Variants in RPTOR observed in about 807,000 individuals in gnomAD.
RPTOR encodes regulatory associated protein of MTOR complex 1.
RPTOR carries 21 observed loss-of-function variants against 169.9 expected under a neutral mutation model. The observed-to-expected ratio is 0.12, with a 90% CI of 0.09 to 0.18. RPTOR has a LOEUF of 0.18. Ranked by LOEUF, RPTOR falls within the 10% of genes least tolerant of loss-of-function variation. The pLI, the probability that RPTOR is intolerant of heterozygous loss-of-function variation, is 1.00. For synonymous variants in RPTOR, 732 were observed against 753.2 expected (o/e 0.97, Z 0.46); for missense variants, 1,133 against 1,855.9 (o/e 0.61, Z 7.16).
intron 1 of RPTOR, among the ~76,000 whole-genome samples, chr17:80,595,683 C>A (rs2065139601): frequency 6.6e-6 from 1 of 152,216 alleles, no homozygotes; most frequent in African/African-American, 2.4e-5. Context: ...TCTCAAACTC[C>A]TGGGCTCAAG....
chr17:80,643,047 A>G (rs1309563344), intron 2 of RPTOR, among the ~76,000 whole-genome samples: 1 of 152,236 alleles, frequency 6.6e-6, no homozygotes, highest in Non-Finnish European at 1.5e-5. Context: ...AAATATTTAA[A>G]AAATCTTAGC....
At chr17:80,881,374 T>G (rs1397671728) in intron 14 of RPTOR, among the ~76,000 whole-genome samples, 1 of 152,236 alleles carries the variant, frequency 6.6e-6, no homozygotes, top group African/African-American at 2.4e-5. Flanking sequence ...CTTCCCATTC[T>G]TAAGAATAAG....
chr17:80,818,146 T>C (rs1446816975), intron 7 of RPTOR, among the ~76,000 whole-genome samples: 3 of 152,210 alleles, frequency 2.0e-5, no homozygotes, highest in Non-Finnish European at 2.9e-5. Context: ...AGTCGCCATT[T>C]TGCATCAGGG....
chr17:80,899,639 G>A (rs1003921654), intron 20 of RPTOR, among the ~76,000 whole-genome samples: 1 of 152,246 alleles, frequency 6.6e-6, no homozygotes, highest in Non-Finnish European at 1.5e-5. Context: ...CTTTGCAGGT[G>A]GGACTGCCCC....
At chr17:80,923,722 C>G (rs758553455) in intron 23 of RPTOR, 49 bp downstream of exon 23, 2 of 1,497,802 alleles carry the variant, frequency 1.3e-6, no homozygotes, top group South Asian at 2.6e-5. Context: ...AGCGTTGCTT[C>G]TCAGATGGGG....
chr17:80,721,477 G>A lies in RPTOR; in HGVS notation c.508-9083G>A, dbSNP rs555500551. ...CATGCTGGCTCTTCCTGCTGCGTGT[G>A]CATCTGGCCCTGGAAAGAGGCACAC... On this transcript the variant is annotated intron_variant, in intron 4 of 33. Coordinates refer to ENST00000306801, the MANE Select transcript of RPTOR (RefSeq NM_020761.3). This position sits in a 1 kb window ranked among gnomAD's most constrained non-coding sequence, Gnocchi z 4.7. Among the ~76,000 whole-genome samples, 10 of 151,596 alleles carry A rather than the reference G, an allele frequency of 6.6e-5. No homozygotes were observed. The highest frequency in any genetic ancestry group is 2.4e-4 in the African/African-American group (10 of 40,844).
intron 9 of RPTOR, among the ~76,000 whole-genome samples, chr17:80,837,643 CTTATT>C (rs915162622): frequency 2.6e-5 from 4 of 152,198 alleles, no homozygotes; most frequent in African/African-American, 4.8e-5. Context: ...GGCTTTTTTT[CTTATT>C]TTATTTTAAA....
intron 3 of RPTOR, among the ~76,000 whole-genome samples, chr17:80,654,619 G>A (rs1400386910): frequency 6.6e-6 from 1 of 152,176 alleles, no homozygotes; most frequent in Non-Finnish European, 1.5e-5. Flanking sequence ...TCTTCTAAAG[G>A]GTTGCATGTG....
At chr17:80,863,563 A>G (rs2067944919) in intron 13 of RPTOR, among the ~76,000 whole-genome samples, 1 of 152,260 alleles carries the variant, frequency 6.6e-6, no homozygotes, top group Admixed American at 6.5e-5. Flanking sequence ...GAAAACTGCA[A>G]TATGTGATGG....
At chr17:80,822,077 C>T (rs2067385245) in intron 7 of RPTOR, 124 bp from the exon 8 acceptor site, 2 of 842,700 alleles carry the variant, frequency 2.4e-6, no homozygotes, top group Non-Finnish European at 4.0e-6. Context: ...CAAGCTTCTG[C>T]TCAGAGCCTT....
intron 1 of RPTOR, among the ~76,000 whole-genome samples, chr17:80,567,225 C>T (rs1189143272): frequency 6.6e-6 from 1 of 152,038 alleles, no homozygotes; most frequent in Non-Finnish European, 1.5e-5. Context: ...CCTGCCTCAG[C>T]CTCTCAAAGT....
At chr17:80,584,577 T>C (rs1342098926) in intron 1 of RPTOR, among the ~76,000 whole-genome samples, 1 of 152,186 alleles carries the variant, frequency 6.6e-6, no homozygotes, top group Non-Finnish European at 1.5e-5. Context: ...CCGTTTACCA[T>C]GTCTCAATAA....
intron 7 of RPTOR, among the ~76,000 whole-genome samples, chr17:80,801,251 G>A (rs988139583): frequency 1.4e-4 from 21 of 152,166 alleles, no homozygotes; most frequent in South Asian, 4.1e-4. Flanking sequence ...GCCAGGCATC[G>A]TGCTGAGGCC....
At position 80,936,919 on chromosome 17, in the gene RPTOR, A is replaced by C. The variant is rs1216488871; in HGVS notation, c.2920-3577A>C. On this transcript the variant is annotated intron_variant, in intron 24 of 33. Transcript: ENST00000306801. The surrounding 1 kb of genome is among the most constrained non-coding windows in gnomAD (Gnocchi z 4.1). The stretch of plus-strand genomic sequence containing the variant: ...ACACAAAGGCTGTGTCCTTGGACGT[A>C]ATGTACACGAGACACTGGCAGAATC... Among the ~76,000 whole-genome samples, 1 of 152,202 alleles carries C rather than the reference A, an allele frequency of 6.6e-6. No homozygotes were observed. The highest frequency in any genetic ancestry group is 1.5e-5 in the Non-Finnish European group (1 of 68,042).
chr17:80,846,745 G>A (rs546667932), intron 11 of RPTOR, among the ~76,000 whole-genome samples, 171 bp downstream of exon 11: 1 of 152,350 alleles, frequency 6.6e-6, no homozygotes, highest in South Asian at 2.1e-4. Context: ...CGGGCAAACG[G>A]ATCACACAGA....
intron 4 of RPTOR, among the ~76,000 whole-genome samples, chr17:80,725,412 C>A (rs182642229): frequency 1.4e-4 from 21 of 152,338 alleles, no homozygotes; most frequent in Admixed American, 1.2e-3. Context: ...AGAAGAGACG[C>A]TTTGATTAGG....
intron 3 of RPTOR, among the ~76,000 whole-genome samples, chr17:80,697,000 C>G (rs1035253080): frequency 1.3e-5 from 2 of 152,212 alleles, no homozygotes; most frequent in Non-Finnish European, 2.9e-5. Context: ...TGGCTGCCCT[C>G]TGCCAGCAGG....
chr17:80,725,289 T>G (rs1021749886), intron 4 of RPTOR, among the ~76,000 whole-genome samples: 2 of 152,184 alleles, frequency 1.3e-5, no homozygotes, highest in Non-Finnish European at 2.9e-5. Flanking sequence ...TCCCCTGATG[T>G]TTAATATAAC....
At chr17:80,914,318 C>A (rs2068646909) in intron 21 of RPTOR, among the ~76,000 whole-genome samples, 1 of 152,230 alleles carries the variant, frequency 6.6e-6, no homozygotes, top group South Asian at 2.1e-4. Context: ...ACTCTGGATC[C>A]AGGCATCTCT....
Sources: gnomAD v4.1 joint callset for allele counts (sites outside exome capture counted in the v4.1 genomes callset) on GRCh38, gnomAD v4.1.1 for gene constraint, Gnocchi (gnomAD v3.1) non-coding constraint, MANE v1.5 for transcripts, NCBI Gene and HGNC (gene_info 2026-07-23, HGNC 2026-07-21) for gene names.